Variants in ZNF217 observed in about 807,000 individuals in gnomAD.
ZNF217 encodes zinc finger protein 217.
ZNF217 carries 12 observed loss-of-function variants against 73.3 expected under a neutral mutation model. The ratio of observed to expected loss-of-function variants is 0.16; its 90% confidence interval spans 0.10 to 0.27. The LOEUF (loss-of-function observed/expected upper bound fraction) is 0.27, where lower values mean the gene tolerates loss of function less well. Among genes scored for constraint, ZNF217 ranks in the 10% least tolerant of loss-of-function variants. The pLI, the probability that ZNF217 is intolerant of heterozygous loss-of-function variation, is 1.00. For missense variants in ZNF217, 1,195 were observed against 1,327.8 expected (o/e 0.90, Z 1.55); for synonymous variants, 588 against 516.4 (o/e 1.14, Z -1.88).
At chr20:53,589,274 A>G (rs1988801739) in intron 1 of ZNF217, among the ~76,000 whole-genome samples, 3 of 152,212 alleles carry the variant, frequency 2.0e-5, no homozygotes, top group Non-Finnish European at 4.4e-5. Flanking sequence ...CTAAGTAAGG[A>G]ATCCAACTAA....
At chr20:53,569,374 A>C (rs1987891805) in intron 5 of ZNF217, 110 bp from the exon 6 acceptor site, 2 of 742,286 alleles carry the variant, frequency 2.7e-6, no homozygotes, top group East Asian at 7.7e-5. Context: ...CTAGAAATGC[A>C]ATGGGTTCTA....
intron 1 of ZNF217, among the ~76,000 whole-genome samples, chr20:53,588,484 C>CA (rs548028088): frequency 1.1e-3 from 158 of 144,472 alleles, no homozygotes; most frequent in African/African-American, 2.9e-3. Context: ...CTAACTGCAC[C>CA]AAAAAAAAAA....
upstream of ZNF217, among the ~76,000 whole-genome samples, chr20:53,596,753 G>A (rs1477790791): frequency 6.6e-6 from 1 of 151,814 alleles, no homozygotes; most frequent in Non-Finnish European, 1.5e-5. Flanking sequence ...CACTCCCTGC[G>A]TAGGCCATCT....
upstream of ZNF217, among the ~76,000 whole-genome samples, chr20:53,594,746 G>A (rs1354464650): frequency 6.6e-6 from 1 of 152,160 alleles, no homozygotes; most frequent in Non-Finnish European, 1.5e-5. Flanking sequence ...CCCGCGGCCC[G>A]AACCCCTGGG....
At chr20:53,578,265 C>A in intron 3 of ZNF217, 69 bp downstream of exon 3, 1 of 1,102,590 alleles carries the variant, frequency 9.1e-7, no homozygotes. Context: ...ATCTGAACAA[C>A]AACAACAAAA....
intron 1 of ZNF217, among the ~76,000 whole-genome samples, chr20:53,590,172 G>A (rs1371731968): frequency 1.3e-5 from 2 of 152,018 alleles, no homozygotes; most frequent in Non-Finnish European, 2.9e-5. Flanking sequence ...TTTATTAGTG[G>A]AATACTCAGT....
chr20:53,577,350 A>T, intron 3 of ZNF217, 70 bp from the exon 4 acceptor site: 1 of 1,349,864 alleles, frequency 7.4e-7, no homozygotes, highest in East Asian at 2.4e-5. Flanking sequence ...ATATCTATTT[A>T]TTAAGAAAAC....
chr20:53,583,303 G>C, intron 1 of ZNF217, 135 bp from the exon 2 acceptor site: 1 of 394,068 alleles, frequency 2.5e-6, no homozygotes, highest in Middle Eastern at 6.4e-4. Flanking sequence ...TAATATATAG[G>C]GCATCCTGTT....
At position 53,576,267 on chromosome 20, in the gene ZNF217, C is replaced by CG. The variant is rs757984761; in HGVS notation, c.2496dup (p.Ala833ArgfsTer8). 6.2e-7 allele frequency: 1 copy of CG among 1,614,196 alleles called. No individual in the cohort carries two copies. Among genetic ancestry groups the CG allele is most frequent in the South Asian group, 1.1e-5 (1 of 91,084 alleles). ...ATCTCAGATTGCTGTTGCCTGGTGG[C>CG]GGCCCCTTGGACCCCCACATTCTGC... On this transcript the variant is annotated frameshift_variant, in exon 4 of 6. Coordinates refer to ENST00000371471, the MANE Select transcript of ZNF217 (RefSeq NM_006526.3). LOFTEE classifies it high-confidence loss of function.
intron 2 of ZNF217, among the ~76,000 whole-genome samples, chr20:53,579,658 C>T (rs116542165): frequency 0.011 from 1,743 of 152,320 alleles, 33 homozygotes; most frequent in African/African-American, 0.039. Context: ...AAGGACATGA[C>T]ATTTCCACAT....
intron 5 of ZNF217, 86 bp from the exon 6 acceptor site, chr20:53,569,350 A>AGGAGAGGCAGGAGAGTTGCTT: frequency 2.1e-6 from 2 of 960,658 alleles, no homozygotes; most frequent in Non-Finnish European, 2.7e-6. Context: ...CGTAATACAT[A>AGGAGAGGCAGGAGAGTTGCTT]GAACCAAACT....
rs1987837522 is a variant in ZNF217 at position 53,568,421 on chromosome 20, T to C, written c.*867A>G. The C allele has an allele frequency of 6.6e-6, 1 of 152,228 alleles. No homozygotes were observed. Among genetic ancestry groups the C allele is most frequent in the Admixed American group, 6.5e-5 (1 of 15,280 alleles). 9.4% of individuals were successfully genotyped at this position (152,228 alleles called of 1,614,324 possible). A position where few individuals can be genotyped will look rare whatever the true frequency, so the allele number is the denominator to read the frequency against. On this transcript the variant is annotated 3_prime_UTR_variant, in exon 6 of 6. Transcript: ENST00000371471. ...TTAATTTGACAGAAACAAATTTAAA[T>C]AACTGCACATACAGTTTATGTTTAT...
At chr20:53,575,172 T>A (rs1002079675) in intron 4 of ZNF217, 2 of 152,186 alleles carry the variant, frequency 1.3e-5, no homozygotes, top group Non-Finnish European at 2.9e-5. Context: ...AGCAAATCCC[T>A]GTCTCTACAA....
intron 1 of ZNF217, among the ~76,000 whole-genome samples, chr20:53,591,243 T>G (rs1988867971): frequency 6.6e-6 from 1 of 152,226 alleles, no homozygotes; most frequent in African/African-American, 2.4e-5. Context: ...AAGGTCAAAC[T>G]GCAAAGCGTT....
chr20:53,576,268 G>T lies in ZNF217; in HGVS notation c.2496C>A (p.Ala832=). The T allele has an allele frequency of 1.2e-6, 2 of 1,614,210 alleles. No individual in the cohort carries two copies. The highest frequency in any genetic ancestry group is 2.7e-5 in the African/African-American group (2 of 75,054). Residue 832 remains alanine, a synonymous_variant, in exon 4 of 6, where the codon GCC becomes GCA. Transcript: ENST00000371471. ...RPQQNVGVQG[A]ATRQQQSEMF... is the part of the protein sequence containing the mutation. ...TCTCAGATTGCTGTTGCCTGGTGGCGGCCCCTTGGACCCCCACATTCTGCT... is the reference window on the plus strand; with the variant it reads ...TCTCAGATTGCTGTTGCCTGGTGGCTGCCCCTTGGACCCCCACATTCTGCT...
chr20:53,582,831 T>C lies in ZNF217; in HGVS notation c.-5A>G, dbSNP rs376397694. The C allele has an allele frequency of 1.3e-6, 2 of 1,584,002 alleles. No individual in the cohort carries two copies. The highest frequency in any genetic ancestry group is 2.7e-5 in the African/African-American group (2 of 74,042). Reference sequence around the variant, plus strand: ...TCCTGTCACTTTCGATTGCATATAATCTCAAAGTTCCGTTGGGCAATTTCT... The same window carrying C: ...TCCTGTCACTTTCGATTGCATATAACCTCAAAGTTCCGTTGGGCAATTTCT... On this transcript the variant is annotated 5_prime_UTR_variant, in exon 2 of 6. Transcript: ENST00000371471. The surrounding 1 kb of genome is among the most constrained non-coding windows in gnomAD (Gnocchi z 4.8).
At chr20:53,587,260 A>G (rs1248642110) in intron 1 of ZNF217, among the ~76,000 whole-genome samples, 2 of 152,246 alleles carry the variant, frequency 1.3e-5, no homozygotes, top group Non-Finnish European at 2.9e-5. Context: ...GTCACTAATT[A>G]CACACTGATT....
chr20:53,591,994 G>A (rs1839367108), intron 1 of ZNF217, among the ~76,000 whole-genome samples: 2 of 152,210 alleles, frequency 1.3e-5, no homozygotes, highest in Non-Finnish European at 2.9e-5. Context: ...GGCCAGGCCT[G>A]GACGGCAGCT....
chr20:53,574,232 T>C (rs576127112), intron 4 of ZNF217: 6 of 152,342 alleles, frequency 3.9e-5, no homozygotes, highest in East Asian at 1.9e-4. Flanking sequence ...CCAAATATTT[T>C]AGTCCCGCAG....
Sources: gnomAD v4.1 joint callset for allele counts (sites outside exome capture counted in the v4.1 genomes callset) on GRCh38, gnomAD v4.1.1 for gene constraint, Gnocchi (gnomAD v3.1) non-coding constraint, MANE v1.5 for transcripts, NCBI Gene and HGNC (gene_info 2026-07-23, HGNC 2026-07-21) for gene names.